The following CDK5RAP2 variants were observed in gnomAD, a reference collection of about 807,000 sequenced individuals.
CDK5RAP2 encodes the protein CDK5 regulatory subunit-associated protein 2.
Under a neutral mutation model 232.9 loss-of-function variants are expected in CDK5RAP2, and 147 were observed. The ratio of observed to expected loss-of-function variants is 0.63; its 90% CI spans 0.55 to 0.72. The LOEUF (loss-of-function observed/expected upper bound fraction) is 0.72, where lower values mean the gene tolerates loss of function less well. CDK5RAP2 is among the 30% of genes least tolerant of loss of function. The pLI, the probability that CDK5RAP2 is intolerant of heterozygous loss-of-function variation, is 0.00. For missense variants in CDK5RAP2, 2,195 were observed against 2,231.5 expected, an observed-to-expected ratio of 0.98 and a Z score of 0.33; for synonymous variants, 833 against 833.7, an observed-to-expected ratio of 1.00 and a Z score of 0.01.
At chr9:120,430,836 A>C (rs1199594698) in intron 25 of CDK5RAP2, among the ~76,000 whole-genome samples, 1 of 152,212 alleles carries the variant, frequency 6.6e-6, no homozygotes, top group Non-Finnish European at 1.5e-5. Flanking sequence ...GGCACTATTC[A>C]CAATAGCAAA....
intron 14 of CDK5RAP2, among the ~76,000 whole-genome samples, chr9:120,478,632 T>G (rs576217090): frequency 6.6e-6 from 1 of 152,000 alleles, no homozygotes; most frequent in Non-Finnish European, 1.5e-5. Context: ...GATAAAAACA[T>G]TCGCTGGATA....
At chr9:120,474,517 G>T (rs1380720050) in intron 15 of CDK5RAP2, among the ~76,000 whole-genome samples, 1 of 152,174 alleles carries the variant, frequency 6.6e-6, no homozygotes, top group African/African-American at 2.4e-5. Context: ...GCCTCATACT[G>T]CTGAGGCTGA....
intron 12 of CDK5RAP2, among the ~76,000 whole-genome samples, chr9:120,513,747 G>A (rs1225260417): frequency 6.6e-6 from 1 of 152,204 alleles, no homozygotes; most frequent in Admixed American, 6.5e-5. Context: ...GTTCAATGTT[G>A]CTGAATGTAT....
At chr9:120,571,602 A>G (rs754623010) in intron 2 of CDK5RAP2, 3 of 347,236 alleles carry the variant, frequency 8.6e-6, no homozygotes, top group Non-Finnish European at 1.7e-5. Flanking sequence ...GCAGCCTGCC[A>G]GGAAGGCCTT....
intron 11 of CDK5RAP2, among the ~76,000 whole-genome samples, chr9:120,522,844 C>T (rs1438999346): frequency 1.3e-5 from 2 of 152,184 alleles, no homozygotes; most frequent in African/African-American, 4.8e-5. Flanking sequence ...GGCAAAAAGA[C>T]CCCAATACAT....
chr9:120,431,144 G>C (rs2035262433), intron 25 of CDK5RAP2, among the ~76,000 whole-genome samples: 1 of 152,306 alleles, frequency 6.6e-6, no homozygotes, highest in African/African-American at 2.4e-5. Context: ...GATAGCATTA[G>C]GAGATACACC....
intron 36 of CDK5RAP2, among the ~76,000 whole-genome samples, chr9:120,393,883 C>T (rs1171835172): frequency 6.6e-6 from 1 of 152,152 alleles, no homozygotes; most frequent in Non-Finnish European, 1.5e-5. Context: ...GAGTCAGCCT[C>T]CCCCTCACTG....
Position 120,565,835 on chromosome 9 carries a change from C to T in CDK5RAP2, c.195+2486G>A, listed in dbSNP as rs79454222. Among the ~76,000 whole-genome samples the T allele has an allele frequency of 6.0e-3, 912 of 152,328 alleles. 8 individuals are homozygous for T. Among genetic ancestry groups the T allele is most frequent in the African/African-American group, 0.02 (848 of 41,574 alleles). On this transcript the variant is annotated intron_variant, in intron 3 of 37. Transcript: ENST00000349780. ...CACAGCACCCTAGACTTACCTCTGTCCCTGCACTATTTTCCTATCCATCTT... is the reference window on the plus strand; with the variant it reads ...CACAGCACCCTAGACTTACCTCTGTTCCTGCACTATTTTCCTATCCATCTT...
intron 12 of CDK5RAP2, among the ~76,000 whole-genome samples, chr9:120,506,305 C>G (rs1295821591): frequency 1.3e-5 from 2 of 152,236 alleles, no homozygotes; most frequent in Non-Finnish European, 2.9e-5. Context: ...TTGAGACCTA[C>G]TGTTCAGAAA....
At chr9:120,502,947 T>A (rs944685120) in intron 12 of CDK5RAP2, among the ~76,000 whole-genome samples, 2 of 152,214 alleles carry the variant, frequency 1.3e-5, no homozygotes, top group African/African-American at 4.8e-5. Flanking sequence ...CAAACCCTAA[T>A]GACTGCCTAC....
At chr9:120,566,530 A>C (rs2042651547) in intron 3 of CDK5RAP2, among the ~76,000 whole-genome samples, 3 of 152,226 alleles carry the variant, frequency 2.0e-5, no homozygotes, top group African/African-American at 7.2e-5. Context: ...AGTGGAAAAA[A>C]ATAACAGTAA....
At chr9:120,448,601 T>C (rs1045241345) in intron 21 of CDK5RAP2, among the ~76,000 whole-genome samples, 1 of 152,186 alleles carries the variant, frequency 6.6e-6, no homozygotes, top group Non-Finnish European at 1.5e-5. Flanking sequence ...TCTTCATTTG[T>C]AGTGACTTAC....
rs1461045759 is a variant in CDK5RAP2 at position 120,448,049 on chromosome 9, G to C, written c.2871C>G (p.Thr957=). The change falls in exon 22 of 38, where the codon ACC becomes ACG. Residue 957 remains threonine, a synonymous_variant. Transcript: ENST00000349780. ...SLGNMYRLPA[T]QEVVTQLQSQ... The stretch of plus-strand genomic sequence containing the variant: ...TCTGCAGCTGCGTCACCACCTCCTG[G>C]GTGGCAGGGAGACGATACATATTTC... 2 of 1,613,978 alleles carry C rather than the reference G, an allele frequency of 1.2e-6. No individual in the cohort carries two copies. Among genetic ancestry groups the C allele is most frequent in the African/African-American group, 1.3e-5 (1 of 74,900 alleles).
At chr9:120,567,056 C>T (rs577846896) in intron 3 of CDK5RAP2, among the ~76,000 whole-genome samples, 1 of 152,332 alleles carries the variant, frequency 6.6e-6, no homozygotes, top group South Asian at 2.1e-4. Flanking sequence ...GTACCCAGCT[C>T]AGAGCAAGAG....
At chr9:120,492,595 C>G (rs545379091) in intron 12 of CDK5RAP2, among the ~76,000 whole-genome samples, 4 of 152,102 alleles carry the variant, frequency 2.6e-5, no homozygotes, top group Non-Finnish European at 5.9e-5. Flanking sequence ...AACTTTGTAA[C>G]CAGTTAACTG....
At chr9:120,528,901 A>G in intron 8 of CDK5RAP2, 104 bp from the exon 9 acceptor site, 1 of 800,106 alleles carries the variant, frequency 1.2e-6, no homozygotes, top group South Asian at 1.4e-5. Flanking sequence ...ACCTTCCCCC[A>G]CTACTGTGGA....
At chr9:120,434,350 G>A (rs532631169) in intron 25 of CDK5RAP2, among the ~76,000 whole-genome samples, 9 of 152,266 alleles carry the variant, frequency 5.9e-5, no homozygotes, top group South Asian at 4.1e-4. Context: ...AGGGTGGGGC[G>A]GCAGAAGTAA....
intron 25 of CDK5RAP2, among the ~76,000 whole-genome samples, chr9:120,425,198 C>G (rs549007997): frequency 1.3e-5 from 2 of 152,294 alleles, no homozygotes; most frequent in African/African-American, 4.8e-5. Flanking sequence ...CATCAAATAA[C>G]AGACCCTCGA....
At chr9:120,394,489 C>T (rs370525481) in intron 36 of CDK5RAP2, 23 bp downstream of exon 36, 8 of 1,613,790 alleles carry the variant, frequency 5.0e-6, no homozygotes, top group Non-Finnish European at 5.1e-6. Flanking sequence ...TCAGGCATAG[C>T]GGCCACCCCC....
Sources: gnomAD v4.1 joint callset for allele counts (sites outside exome capture counted in the v4.1 genomes callset) on GRCh38, gnomAD v4.1.1 for gene constraint, MANE v1.5 for transcripts, NCBI Gene and HGNC (gene_info 2026-07-23, HGNC 2026-07-21) for gene names.